Variants in XKR9 observed in about 807,000 individuals in gnomAD.
The protein encoded by XKR9 is XK related 9.
A neutral mutation model predicts 32.0 loss-of-function variants in XKR9; 32 were observed. The ratio of observed to expected loss-of-function variants is 1.00; its 90% confidence interval spans 0.76 to 1.34. XKR9 has a LOEUF of 1.34. Among genes scored for constraint, XKR9 ranks in the 40% most tolerant of loss-of-function variants. The pLI is 0.00. For synonymous variants in XKR9, 168 were observed against 143.4 expected (o/e 1.17, Z -1.22); for missense variants, 546 against 429.7 (o/e 1.27, Z -2.39).
the XKR9 span, among the ~76,000 whole-genome samples, chr8:70,869,531 C>T: frequency 2.0e-3 from 302 of 152,242 alleles, no homozygotes; most frequent in Non-Finnish European, 3.6e-3. Flanking sequence ...TAAATTACCT[C>T]CCACTGGGTC....
the XKR9 span, among the ~76,000 whole-genome samples, chr8:70,850,483 A>T: frequency 1.6e-5 from 2 of 125,628 alleles, no homozygotes; most frequent in East Asian, 2.0e-4. Flanking sequence ...AAAAAAAAAA[A>T]AGAAAGAAAA....
the XKR9 span, among the ~76,000 whole-genome samples, chr8:70,882,250 T>TA: frequency 1.8e-4 from 28 of 152,118 alleles, no homozygotes; most frequent in Middle Eastern, 6.8e-3. Flanking sequence ...CCCTAGAACT[T>TA]AAAGTATAAT....
At chr8:70,833,234 A>G in the XKR9 span, among the ~76,000 whole-genome samples, 1 of 152,168 alleles carries the variant, frequency 6.6e-6, no homozygotes, top group Non-Finnish European at 1.5e-5. Context: ...AACTTGAGTC[A>G]GCTGTGGTTT....
the XKR9 span, among the ~76,000 whole-genome samples, chr8:71,064,416 C>T: frequency 6.6e-6 from 1 of 151,922 alleles, no homozygotes; most frequent in Non-Finnish European, 1.5e-5. Context: ...TGTTTATGCC[C>T]AGAATGATCT....
At chr8:70,910,812 C>T in the XKR9 span, among the ~76,000 whole-genome samples, 2 of 152,238 alleles carry the variant, frequency 1.3e-5, no homozygotes, top group African/African-American at 4.8e-5. Context: ...TCTTCAGGCT[C>T]ATCCAAGTTG....
the XKR9 span, among the ~76,000 whole-genome samples, chr8:70,797,913 C>G: frequency 2.1e-4 from 32 of 152,146 alleles, no homozygotes; most frequent in Non-Finnish European, 4.1e-4. Flanking sequence ...CATAGTATTC[C>G]ATGGTGTGTA....
intron 3 of XKR9, among the ~76,000 whole-genome samples, chr8:70,697,219 T>C (rs944637079): frequency 2.0e-5 from 3 of 151,724 alleles, no homozygotes; most frequent in African/African-American, 7.3e-5. Flanking sequence ...TCCAACACTA[T>C]GTTGAATAGG....
chr8:71,035,199 A>C, the XKR9 span, among the ~76,000 whole-genome samples: 2 of 152,230 alleles, frequency 1.3e-5, no homozygotes, highest in Non-Finnish European at 2.9e-5. Flanking sequence ...GTTAAAATTA[A>C]ACCATCGACA....
chr8:70,977,497 G>C, the XKR9 span, among the ~76,000 whole-genome samples: 6 of 152,252 alleles, frequency 3.9e-5, no homozygotes, highest in South Asian at 1.0e-3. Context: ...TATTTACCCA[G>C]CAGTCATTCA....
the XKR9 span, among the ~76,000 whole-genome samples, chr8:71,017,657 A>G: frequency 1.4e-4 from 21 of 152,348 alleles, no homozygotes; most frequent in Non-Finnish European, 7.4e-5. Flanking sequence ...ATCAGGACAG[A>G]CAGAGACTCC....
chr8:70,671,038 AACTT>A, intron 1 of XKR9, among the ~76,000 whole-genome samples: 1 of 152,058 alleles, frequency 6.6e-6, no homozygotes, highest in East Asian at 1.9e-4. Context: ...TTCCTTACTT[AACTT>A]ACTTATTTAC....
At chr8:70,993,882 TC>T in the XKR9 span, among the ~76,000 whole-genome samples, 1 of 152,200 alleles carries the variant, frequency 6.6e-6, no homozygotes, top group Non-Finnish European at 1.5e-5. Flanking sequence ...TCTGTAGATT[TC>T]CTCTAAGGAT....
At chr8:70,950,075 A>C in the XKR9 span, among the ~76,000 whole-genome samples, 1 of 152,220 alleles carries the variant, frequency 6.6e-6, no homozygotes, top group Non-Finnish European at 1.5e-5. Context: ...AAATGGGCAG[A>C]GACCAGCTGA....
intron 2 of XKR9, among the ~76,000 whole-genome samples, chr8:70,750,945 T>G (rs970693070): frequency 6.6e-6 from 1 of 152,168 alleles, no homozygotes; most frequent in South Asian, 2.1e-4. Context: ...CAAAACATAT[T>G]GCTCTCCGTA....
chr8:70,842,075 A>G, the XKR9 span, among the ~76,000 whole-genome samples: 1 of 152,134 alleles, frequency 6.6e-6, no homozygotes, highest in Non-Finnish European at 1.5e-5. Context: ...TCTCATTCCT[A>G]CATTTATTAG....
the XKR9 span, among the ~76,000 whole-genome samples, chr8:70,889,870 G>T: frequency 2.6e-5 from 4 of 151,938 alleles, no homozygotes; most frequent in Admixed American, 6.6e-5. Context: ...GAATAGTGCT[G>T]CAATGAACAT....
the XKR9 span, among the ~76,000 whole-genome samples, chr8:70,953,023 T>A: frequency 2.0e-5 from 3 of 152,240 alleles, no homozygotes; most frequent in African/African-American, 7.2e-5. Context: ...GAATGTGGCA[T>A]GAGCTGCATT....
At chr8:70,870,195 TAAC>T in the XKR9 span, among the ~76,000 whole-genome samples, 4 of 152,186 alleles carry the variant, frequency 2.6e-5, no homozygotes, top group African/African-American at 7.2e-5. Context: ...TAGCAAAAGA[TAAC>T]AACACCATGT....
chr8:70,856,467 A>G, the XKR9 span, among the ~76,000 whole-genome samples: 1 of 152,128 alleles, frequency 6.6e-6, no homozygotes, highest in Admixed American at 6.5e-5. Context: ...AACCAGATTC[A>G]TAAAGCAAGT....
Sources: allele counts gnomAD v4.1 joint callset (sites outside exome capture counted in the v4.1 genomes callset), GRCh38; gene constraint gnomAD v4.1.1; transcripts MANE v1.5; gene names NCBI Gene and HGNC (gene_info 2026-07-23, HGNC 2026-07-21).